BABAM2: variants seen among roughly 807,000 people sequenced by gnomAD.
The protein encoded by BABAM2 is BRISC and BRCA1 A complex member 2.
Under a neutral mutation model 54.7 loss-of-function variants are expected in BABAM2, and 31 were observed. The observed-to-expected ratio is 0.57, with a 90% CI of 0.43 to 0.77. The LOEUF (loss-of-function observed/expected upper bound fraction) is 0.77, where lower values mean the gene tolerates loss of function less well. Ranked by LOEUF, BABAM2 falls within the 30% of genes least tolerant of loss-of-function variation. BABAM2 has a pLI of 0.00. For missense variants in BABAM2, 364 were observed against 455.8 expected (o/e 0.80, Z 1.83); for synonymous variants, 167 against 162.9 (o/e 1.03, Z -0.19).
In BABAM2 at chr2:27,943,802, G is replaced by T. The variant is rs182487037; in HGVS notation, c.205+13894G>T. Among the ~76,000 whole-genome samples the T allele has an allele frequency of 2.7e-4, 41 of 152,252 alleles. No individual in the cohort carries two copies. The East Asian group carries it at 7.7e-3, about 29-fold the overall frequency. ...ATCTAGCATTTAAGGTATTTTTAGAGGCTAATTGTGGAGGCAGGTCACCTT... is the reference window on the plus strand; with the variant it reads ...ATCTAGCATTTAAGGTATTTTTAGATGCTAATTGTGGAGGCAGGTCACCTT... On this transcript the variant is annotated intron_variant, in intron 3 of 11. Coordinates refer to ENST00000379624, the MANE Select transcript of BABAM2 (RefSeq NM_199191.3).
chr2:28,242,702 T>C (rs891482651), intron 9 of BABAM2, among the ~76,000 whole-genome samples: 2 of 152,170 alleles, frequency 1.3e-5, no homozygotes, highest in Non-Finnish European at 2.9e-5. Flanking sequence ...TTTCAAACCA[T>C]GGCACAATTA....
At chr2:27,891,847 C>T (rs1288616002) in intron 1 of BABAM2, among the ~76,000 whole-genome samples, 4 of 152,024 alleles carry the variant, frequency 2.6e-5, no homozygotes, top group East Asian at 1.9e-4. Flanking sequence ...AAGTCACGAC[C>T]GTTGCTGAAT....
At chr2:28,254,681 T>G (rs977012578) in intron 10 of BABAM2, among the ~76,000 whole-genome samples, 1 of 151,974 alleles carries the variant, frequency 6.6e-6, no homozygotes, top group African/African-American at 2.4e-5. Context: ...TTGTTTTACC[T>G]ATAAATACCT....
At chr2:28,200,292 T>C (rs1411971488) in intron 7 of BABAM2, among the ~76,000 whole-genome samples, 1 of 152,366 alleles carries the variant, frequency 6.6e-6, no homozygotes, top group Admixed American at 6.5e-5. Flanking sequence ...TCCATCTCAC[T>C]GAGTCCAAGT....
chr2:27,965,707 AAT>A (rs904803403), intron 3 of BABAM2, among the ~76,000 whole-genome samples: 32 of 152,310 alleles, frequency 2.1e-4, no homozygotes, highest in African/African-American at 7.2e-4. Context: ...ACATATGTAA[AAT>A]GTGTGTGTGC....
chr2:28,186,344 C>T (rs1490359593), intron 7 of BABAM2, among the ~76,000 whole-genome samples: 1 of 152,196 alleles, frequency 6.6e-6, no homozygotes, highest in Admixed American at 6.5e-5. Context: ...CCATGTCCTT[C>T]ACTGGATTGT....
chr2:27,957,467 A>G (rs17758349), intron 3 of BABAM2, among the ~76,000 whole-genome samples: 2,563 of 152,262 alleles, frequency 0.017, 28 homozygotes, highest in Middle Eastern at 0.054. Context: ...CTATTCTTCA[A>G]CATTCCTTGA....
chr2:28,097,007 G>A (rs79329695), intron 6 of BABAM2, among the ~76,000 whole-genome samples: 4,459 of 152,208 alleles, frequency 0.029, 212 homozygotes, highest in African/African-American at 0.1. Context: ...GTTGGGATAG[G>A]CCAAAAACTC....
intron 6 of BABAM2, among the ~76,000 whole-genome samples, chr2:28,068,439 C>A (rs1309925825): frequency 6.6e-6 from 1 of 151,946 alleles, no homozygotes; most frequent in Non-Finnish European, 1.5e-5. Flanking sequence ...TGTGGTAGAT[C>A]TGGGATTTTA....
intron 2 of BABAM2, among the ~76,000 whole-genome samples, chr2:27,900,825 C>T (rs1013172175): frequency 2.6e-5 from 4 of 152,070 alleles, no homozygotes; most frequent in Non-Finnish European, 5.9e-5. Flanking sequence ...GGGCATATCA[C>T]AAGGTCAGGA....
intron 7 of BABAM2, among the ~76,000 whole-genome samples, chr2:28,172,155 T>C (rs1190919638): frequency 6.6e-6 from 1 of 151,948 alleles, no homozygotes; most frequent in African/African-American, 2.4e-5. Flanking sequence ...TTAATAGAAT[T>C]GATCATTCCT....
At chr2:28,180,418 A>C (rs1675488082) in intron 7 of BABAM2, among the ~76,000 whole-genome samples, 1 of 152,052 alleles carries the variant, frequency 6.6e-6, no homozygotes, top group African/African-American at 2.4e-5. Flanking sequence ...TCCATATGCC[A>C]CGGAACGAAA....
intron 6 of BABAM2, among the ~76,000 whole-genome samples, chr2:28,112,107 TTC>T (rs1254155477): frequency 4.3e-4 from 4 of 9,246 alleles, no homozygotes; most frequent in Non-Finnish European, 6.5e-4. Context: ...CTTTCTTTCT[TTC>T]TTTCTTTCTT....
intron 4 of BABAM2, among the ~76,000 whole-genome samples, chr2:28,016,952 A>G (rs1674873303): frequency 6.6e-6 from 1 of 152,222 alleles, no homozygotes; most frequent in South Asian, 2.1e-4. Flanking sequence ...TGTTAGCCAC[A>G]TGACTATAAA....
chr2:28,296,339 A>T (rs934902759), intron 10 of BABAM2, among the ~76,000 whole-genome samples: 2 of 152,202 alleles, frequency 1.3e-5, no homozygotes, highest in African/African-American at 4.8e-5. Flanking sequence ...TTTGGCACCA[A>T]CAGACATGTA....
chr2:28,261,515 A>G lies in BABAM2; in HGVS notation c.934+16653A>G, dbSNP rs563452668. 3.9e-4 allele frequency among the ~76,000 whole-genome samples: 59 copies of G among 151,538 alleles called. No individual in the cohort carries two copies. The East Asian group carries it at 1.0e-2, about 26-fold the overall frequency. ...CGGTTAATTTTTTTTTTGTATTTTT[A>G]GTAGAGACAGTGTTTCATTTCACCC... On this transcript the variant is annotated intron_variant, in intron 10 of 11. Transcript: ENST00000379624.
intron 7 of BABAM2, among the ~76,000 whole-genome samples, chr2:28,185,144 CT>C: frequency 6.6e-6 from 1 of 152,276 alleles, no homozygotes; most frequent in Non-Finnish European, 1.5e-5. Context: ...ACATAAGATG[CT>C]TGTCAGCTAA....
intron 6 of BABAM2, among the ~76,000 whole-genome samples, chr2:28,108,496 A>C (rs1335414223): frequency 6.6e-6 from 1 of 152,212 alleles, no homozygotes; most frequent in Non-Finnish European, 1.5e-5. Flanking sequence ...AAATTAAAGA[A>C]ATATTCTTAC....
intron 10 of BABAM2, among the ~76,000 whole-genome samples, chr2:28,261,167 C>G (rs987851474): frequency 1.1e-4 from 16 of 152,014 alleles, no homozygotes; most frequent in African/African-American, 3.6e-4. Context: ...GTCTCAAACT[C>G]CTGACCTCAA....
Sources: allele counts gnomAD v4.1 joint callset (sites outside exome capture counted in the v4.1 genomes callset), GRCh38; gene constraint gnomAD v4.1.1; transcripts MANE v1.5; gene names NCBI Gene and HGNC (gene_info 2026-07-23, HGNC 2026-07-21).